Variants in STXBP5L observed in about 807,000 individuals in gnomAD.
STXBP5L encodes the protein syntaxin binding protein 5L.
STXBP5L carries 65 observed loss-of-function variants against 144.5 expected under a neutral mutation model. That is an observed-to-expected ratio of 0.45 (90% confidence interval 0.37 to 0.55). The LOEUF (loss-of-function observed/expected upper bound fraction) is 0.55. Ranked by LOEUF, STXBP5L falls within the 20% of genes least tolerant of loss-of-function variation. The pLI, the probability that STXBP5L is intolerant of heterozygous loss-of-function variation, is 0.00. For missense variants in STXBP5L, 1,298 were observed against 1,405.5 expected (o/e 0.92, Z 1.22); for synonymous variants, 505 against 469.6 (o/e 1.08, Z -0.97).
chr3:121,294,610 TAGAA>T (rs138892454), intron 19 of STXBP5L, among the ~76,000 whole-genome samples: 2,883 of 151,032 alleles, frequency 0.019, 94 homozygotes, highest in African/African-American at 0.067. Context: ...GGAGGAAGCA[TAGAA>T]GGAAGAAGAC....
At chr3:121,231,882 CCAAT>C (rs2049321137) in intron 11 of STXBP5L, among the ~76,000 whole-genome samples, 1 of 152,110 alleles carries the variant, frequency 6.6e-6, no homozygotes, top group East Asian at 1.9e-4. Flanking sequence ...ACAGAAAAAG[CCAAT>C]CAAACAAGAC....
chr3:121,007,031 G>A (rs1241267904), intron 3 of STXBP5L, among the ~76,000 whole-genome samples: 1 of 151,960 alleles, frequency 6.6e-6, no homozygotes, highest in Non-Finnish European at 1.5e-5. Flanking sequence ...ATGTGTCTTG[G>A]AGTTGCTCTT....
Position 121,371,179 on chromosome 3 carries a change from A to AT in STXBP5L, c.2177-7530dup, listed in dbSNP as rs1379427034. Among the ~76,000 whole-genome samples the AT allele has an allele frequency of 5.9e-5, 9 of 152,014 alleles. No homozygotes were observed. The South Asian group carries it at 8.3e-4, about 14-fold the overall frequency. The stretch of plus-strand genomic sequence containing the variant: ...TGAAGTTGTTGTCCTTTGGATGAGT[A>AT]TTTTTTTCTTTTATTCTATTTGATG... On this transcript the variant is annotated intron_variant, in intron 20 of 26. Transcript: ENST00000471454.
At chr3:121,149,512 C>T (rs1187938998) in intron 7 of STXBP5L, among the ~76,000 whole-genome samples, 1 of 151,196 alleles carries the variant, frequency 6.6e-6, no homozygotes, top group South Asian at 2.1e-4. Flanking sequence ...CAATTAGAGA[C>T]ATAAAAATTA....
chr3:121,415,340 A>G (rs2047208421), intron 24 of STXBP5L, among the ~76,000 whole-genome samples: 1 of 152,220 alleles, frequency 6.6e-6, no homozygotes, highest in Non-Finnish European at 1.5e-5. Flanking sequence ...CAAATATTGA[A>G]AACAAATGTA....
rs377330916 is a variant in STXBP5L at position 121,318,378 on chromosome 3, TA to T, written c.2111-89del. ...TGGACATGATAAAGTAGTTTTCACA[TA>T]AAAAAAAGCCTTTTAAACTTGTAGG... On this transcript the variant is annotated intron_variant, in intron 19 of 26. Transcript: ENST00000471454. The T allele has an allele frequency of 6.4e-4, 489 of 761,158 alleles. 1 individual carries two copies. The highest frequency in any genetic ancestry group is 2.9e-3 in the African/African-American group (156 of 54,164). 47.2% of individuals were successfully genotyped at this position (761,158 alleles called of 1,614,324 possible).
chr3:121,290,425 AC>A (rs201863394), intron 19 of STXBP5L, among the ~76,000 whole-genome samples: 1 of 151,912 alleles, frequency 6.6e-6, no homozygotes, highest in African/African-American at 2.4e-5. Context: ...ATTGCCAACA[AC>A]AAAAAAAGTC....
chr3:121,121,973 T>G (rs2044487811), intron 7 of STXBP5L, among the ~76,000 whole-genome samples: 1 of 151,044 alleles, frequency 6.6e-6, no homozygotes, highest in Non-Finnish European at 1.5e-5. Flanking sequence ...TAGAACAACT[T>G]TAATTTTCAA....
intron 3 of STXBP5L, among the ~76,000 whole-genome samples, chr3:120,982,604 G>A (rs4444652): frequency 0.1 from 15,179 of 152,242 alleles, 1,190 homozygotes; most frequent in Admixed American, 0.2. Flanking sequence ...GCTCTCTGTC[G>A]AAGTGGCTTT....
intron 17 of STXBP5L, among the ~76,000 whole-genome samples, chr3:121,258,838 G>C (rs1405384767): frequency 6.6e-6 from 1 of 152,070 alleles, no homozygotes; most frequent in Non-Finnish European, 1.5e-5. Context: ...GACCTAACTG[G>C]CTGAAAAGCC....
At chr3:121,323,599 A>C (rs1049077414) in intron 20 of STXBP5L, among the ~76,000 whole-genome samples, 5 of 152,224 alleles carry the variant, frequency 3.3e-5, no homozygotes, top group African/African-American at 4.8e-5. Flanking sequence ...CATTCACTCA[A>C]CTATACATCA....
At chr3:120,936,066 A>G (rs1271013432) in intron 2 of STXBP5L, among the ~76,000 whole-genome samples, 3 of 151,984 alleles carry the variant, frequency 2.0e-5, no homozygotes, top group Non-Finnish European at 2.9e-5. Flanking sequence ...CTCTTTGCAT[A>G]TCAGTTTGAA....
At chr3:121,311,065 T>C (rs2043510136) in intron 19 of STXBP5L, among the ~76,000 whole-genome samples, 1 of 152,070 alleles carries the variant, frequency 6.6e-6, no homozygotes, top group African/African-American at 2.4e-5. Flanking sequence ...ACATAAAAAA[T>C]AAGCCAGAAA....
chr3:121,027,637 T>G (rs1047418976), intron 3 of STXBP5L, among the ~76,000 whole-genome samples: 4 of 151,670 alleles, frequency 2.6e-5, no homozygotes, highest in African/African-American at 9.7e-5. Context: ...TCCCTGTGTC[T>G]TTTTTTGTTT....
At chr3:121,114,382 G>A (rs1576994453) in intron 5 of STXBP5L, among the ~76,000 whole-genome samples, 1 of 151,836 alleles carries the variant, frequency 6.6e-6, no homozygotes, top group African/African-American at 2.4e-5. Context: ...TGTAGACATA[G>A]CTACCACTTC....
intron 9 of STXBP5L, among the ~76,000 whole-genome samples, chr3:121,187,238 C>G (rs1244552577): frequency 2.6e-5 from 4 of 152,042 alleles, no homozygotes; most frequent in Non-Finnish European, 5.9e-5. Flanking sequence ...ATGATGAGTT[C>G]ATGTCCTTTG....
At chr3:121,311,316 G>A (rs1036605863) in intron 19 of STXBP5L, among the ~76,000 whole-genome samples, 1 of 152,178 alleles carries the variant, frequency 6.6e-6, no homozygotes, top group African/African-American at 2.4e-5. Context: ...AAAGACTATG[G>A]AAGTATTTAA....
chr3:121,189,420 A>T (rs1019205660), intron 9 of STXBP5L, among the ~76,000 whole-genome samples: 1 of 152,202 alleles, frequency 6.6e-6, no homozygotes. Flanking sequence ...GAAGGGATCC[A>T]GTTTCAGCTC....
At position 121,205,908 on chromosome 3, in the gene STXBP5L, A is replaced by G. The variant is rs549084359; in HGVS notation, c.878-15A>G. On this transcript the variant is annotated splice_polypyrimidine_tract_variant and intron_variant, in intron 9 of 26. Transcript: ENST00000471454. ...TAATTTAAATTAGATTCAATTAAATATTTTTTTTCTTTAGGAAAAAGTCAA... is the reference window on the plus strand; with the variant it reads ...TAATTTAAATTAGATTCAATTAAATGTTTTTTTTCTTTAGGAAAAAGTCAA... 10 of 1,311,810 alleles carry G rather than the reference A, an allele frequency of 7.6e-6. No homozygotes were observed. The highest frequency in any genetic ancestry group is 1.0e-5 in the Non-Finnish European group (10 of 962,454). The allele number at this position is 1,311,810 out of a possible 1,614,324, so 81.3% of individuals were successfully genotyped here. A position where few individuals can be genotyped will look rare whatever the true frequency, so the allele number is the denominator to read the frequency against.
Sources: allele counts gnomAD v4.1 joint callset (sites outside exome capture counted in the v4.1 genomes callset), GRCh38; gene constraint gnomAD v4.1.1; transcripts MANE v1.5; gene names NCBI Gene and HGNC (gene_info 2026-07-23, HGNC 2026-07-21).